Variants in ANKRD13C observed in about 807,000 individuals in gnomAD.
ANKRD13C encodes the protein ankyrin repeat domain 13C.
ANKRD13C carries 16 observed loss-of-function variants against 65.5 expected under a neutral mutation model. The ratio of observed to expected loss-of-function variants is 0.24; its 90% CI spans 0.17 to 0.37. The LOEUF (loss-of-function observed/expected upper bound fraction) is 0.37. ANKRD13C is among the 10% of genes least tolerant of loss of function. The pLI is 1.00. For missense variants in ANKRD13C, 503 were observed against 655.9 expected, an observed-to-expected ratio of 0.77 and a Z score of 2.55; for synonymous variants, 235 against 238.7, an observed-to-expected ratio of 0.98 and a Z score of 0.14.
rs1222190790 is a variant in ANKRD13C, at chr1:70,296,070, T to C, written c.1053+60A>G. The C allele has an allele frequency of 8.3e-6, 13 of 1,567,482 alleles. No individual in the cohort carries two copies. The East Asian group carries it at 9.1e-5, about 11-fold the overall frequency. On this transcript the variant is annotated intron_variant, in intron 8 of 12. Coordinates refer to ENST00000370944, the MANE Select transcript of ANKRD13C (RefSeq NM_030816.5). ...TACTTCTTGCATTTCCATCACGTTATTTTGGAAATATTAAATACCGAACAA... is the reference window on the plus strand; with the variant it reads ...TACTTCTTGCATTTCCATCACGTTACTTTGGAAATATTAAATACCGAACAA...
intron 1 of ANKRD13C, among the ~76,000 whole-genome samples, chr1:70,351,651 C>A (rs193160888): frequency 1.3e-5 from 2 of 152,248 alleles, no homozygotes; most frequent in Admixed American, 1.3e-4. Context: ...CCACCCACCT[C>A]GGCCTCTCAA....
intron 1 of ANKRD13C, among the ~76,000 whole-genome samples, chr1:70,347,978 A>G (rs531486359): frequency 6.6e-6 from 1 of 152,288 alleles, no homozygotes; most frequent in Admixed American, 6.5e-5. Flanking sequence ...AAGCAAACAA[A>G]CAAACATAAA....
rs544631211 is a variant in ANKRD13C, at chr1:70,325,600, C to A, written c.473-643G>T. On this transcript the variant is annotated intron_variant, in intron 2 of 12. Transcript: ENST00000370944. ...CTTTAATTAAAAATAAAAAGTTGGCCGGGCGCGGTGGCTCACGCCTGTAAT... is the reference window on the plus strand; with the variant it reads ...CTTTAATTAAAAATAAAAAGTTGGCAGGGCGCGGTGGCTCACGCCTGTAAT... Among the ~76,000 whole-genome samples, 7 of 152,230 alleles carry A rather than the reference C, an allele frequency of 4.6e-5. No homozygotes were observed. In the East Asian group the frequency reaches 1.2e-3, roughly 25 times the overall value.
At chr1:70,348,487 G>C (rs762093742) in intron 1 of ANKRD13C, among the ~76,000 whole-genome samples, 28 of 152,262 alleles carry the variant, frequency 1.8e-4, no homozygotes, top group Admixed American at 2.0e-4. Context: ...GGCTGGTCTT[G>C]AACTCCCGAC....
chr1:70,288,082 CA>C (rs1489333610), intron 9 of ANKRD13C, among the ~76,000 whole-genome samples: 3 of 152,010 alleles, frequency 2.0e-5, no homozygotes, highest in Non-Finnish European at 4.4e-5. Context: ...AGGAAAAGAG[CA>C]AAAGGCATGA....
At chr1:70,281,597 G>A (rs968101656) in intron 9 of ANKRD13C, among the ~76,000 whole-genome samples, 4 of 151,128 alleles carry the variant, frequency 2.6e-5, no homozygotes, top group African/African-American at 9.7e-5. Flanking sequence ...TAGAGACAGA[G>A]TCTCACTATG....
Position 70,278,060 on chromosome 1 carries a change from G to A in ANKRD13C, c.1216-1216C>T, listed in dbSNP as rs1034865224. On this transcript the variant is annotated intron_variant, in intron 9 of 12. Coordinates refer to ENST00000370944, the MANE Select transcript of ANKRD13C (RefSeq NM_030816.5). ...AAAAATTAGCTGAGTGTGGTGGTGC[G>A]TGCCTGTGGTCTCAGCTGCTTGAAA... 3.8e-4 allele frequency among the ~76,000 whole-genome samples: 58 copies of A among 151,700 alleles called. 1 individual carries two copies. Among genetic ancestry groups the A allele is most frequent in the Non-Finnish European group, 1.5e-4 (10 of 67,912 alleles).
At position 70,352,183 on chromosome 1, in the gene ANKRD13C, C is replaced by CA. The variant is rs529747891; in HGVS notation, c.430+1795dup. ...TGAAACCCCGTCTCTACTAAAATTA[C>CA]AAAAAAATTAGCCTGGCGCGGTGGT... is the stretch of plus-strand genomic sequence containing the variant. On this transcript the variant is annotated intron_variant, in intron 1 of 12. Transcript: ENST00000370944. Among the ~76,000 whole-genome samples the CA allele has an allele frequency of 4.6e-3, 691 of 151,418 alleles. 6 individuals carry two copies. Among genetic ancestry groups the CA allele is most frequent in the African/African-American group, 0.016 (656 of 41,288 alleles).
Position 70,354,442 on chromosome 1 carries a change from G to A in ANKRD13C, c.-34C>T. 6.3e-7 allele frequency: 1 copy of A among 1,588,718 alleles called. No individual in the cohort carries two copies. ...CCAGGGGCAAGGGGGGGAATCGGGAGGCTCACCGCTGGCGACGGAGCTGGC... is the reference window on the plus strand; with the variant it reads ...CCAGGGGCAAGGGGGGGAATCGGGAAGCTCACCGCTGGCGACGGAGCTGGC... On this transcript the variant is annotated 5_prime_UTR_variant, in exon 1 of 13. Transcript: ENST00000370944.
intron 9 of ANKRD13C, among the ~76,000 whole-genome samples, chr1:70,291,409 ATAAATT>A (rs1466726539): frequency 6.6e-6 from 1 of 152,256 alleles, no homozygotes; most frequent in Non-Finnish European, 1.5e-5. Flanking sequence ...CAAATAAAAA[ATAAATT>A]TAAGAATGCA....
At chr1:70,301,850 G>C (rs1034316790) in intron 6 of ANKRD13C, among the ~76,000 whole-genome samples, 1 of 152,210 alleles carries the variant, frequency 6.6e-6, no homozygotes, top group African/African-American at 2.4e-5. Context: ...TAAATCACCA[G>C]ATCAGGATCA....
At chr1:70,325,654 A>T (rs991582230) in intron 2 of ANKRD13C, among the ~76,000 whole-genome samples, 1 of 151,162 alleles carries the variant, frequency 6.6e-6, no homozygotes, top group Non-Finnish European at 1.5e-5. Flanking sequence ...CAAGGCGGGC[A>T]GATCACGAGG....
chr1:70,306,130 G>C, intron 6 of ANKRD13C, 94 bp downstream of exon 6: 1 of 793,680 alleles, frequency 1.3e-6, no homozygotes, highest in South Asian at 2.7e-5. Flanking sequence ...GCATTTTAAC[G>C]TCATAAAACA....
At chr1:70,318,413 C>G (rs1681159799) in intron 3 of ANKRD13C, among the ~76,000 whole-genome samples, 1 of 152,184 alleles carries the variant, frequency 6.6e-6, no homozygotes, top group African/African-American at 2.4e-5. Context: ...TTACTTAAAT[C>G]TGTTACCTTT....
intron 11 of ANKRD13C, among the ~76,000 whole-genome samples, chr1:70,272,718 G>A (rs781092178): frequency 2.0e-5 from 3 of 151,876 alleles, no homozygotes; most frequent in Non-Finnish European, 4.4e-5. Context: ...GCCAGGTGTG[G>A]TGGCTCACAT....
chr1:70,315,014 G>A (rs1423450138), intron 4 of ANKRD13C, among the ~76,000 whole-genome samples: 5 of 152,096 alleles, frequency 3.3e-5, no homozygotes, highest in South Asian at 4.1e-4. Context: ...TGAGGCAGGC[G>A]GATTGCTTGA....
intron 7 of ANKRD13C, among the ~76,000 whole-genome samples, chr1:70,297,287 A>ATTTTTTT (rs748635051): frequency 1.0e-5 from 1 of 98,806 alleles, no homozygotes; most frequent in Non-Finnish European, 2.0e-5. Context: ...TCCCTTTCTG[A>ATTTTTTT]TTTTTTTTTT....
chr1:70,310,546 TGAG>T (rs1302208854), intron 5 of ANKRD13C, among the ~76,000 whole-genome samples: 1 of 152,214 alleles, frequency 6.6e-6, no homozygotes, highest in Non-Finnish European at 1.5e-5. Context: ...AGTGGTTACT[TGAG>T]GAACTCAATT....
At position 70,261,965 on chromosome 1, in the gene ANKRD13C, A is replaced by C. The variant is rs1678405554; in HGVS notation, c.*752T>G. On this transcript the variant is annotated 3_prime_UTR_variant, in exon 13 of 13. Transcript: ENST00000370944. ...TCAAACTCAAGTTTAGAAAAAAAAA[A>C]AATAGAGGTTCTATGAAAGGAAGAT... The C allele has an allele frequency of 6.6e-6, 1 of 152,554 alleles. No homozygotes were observed. Among genetic ancestry groups the C allele is most frequent in the South Asian group, 2.1e-4 (1 of 4,836 alleles). The allele number at this position is 152,554 out of a possible 1,614,324, so 9.5% of individuals were successfully genotyped here.
Sources: allele counts gnomAD v4.1 joint callset (sites outside exome capture counted in the v4.1 genomes callset), GRCh38; gene constraint gnomAD v4.1.1; transcripts MANE v1.5; gene names NCBI Gene and HGNC (gene_info 2026-07-23, HGNC 2026-07-21).